Variants in NOP14 observed in about 807,000 individuals in gnomAD.
NOP14 encodes the protein nucleolar protein 14.
Under a neutral mutation model 101.6 loss-of-function variants are expected in NOP14, and 57 were observed. That is an observed-to-expected ratio of 0.56 (90% confidence interval 0.45 to 0.70). The LOEUF is 0.70. Among genes scored for constraint, NOP14 ranks in the 30% least tolerant of loss-of-function variants. The probability of loss-of-function intolerance (pLI) is 0.00; values close to 1 mark genes in which losing one functional copy is unlikely to be tolerated. For missense variants in NOP14, 1,134 were observed against 1,075.5 expected (o/e 1.05, Z -0.76); for synonymous variants, 428 against 424.0 (o/e 1.01, Z -0.12).
chr4:2,949,845 C>T (rs1714893518), intron 8 of NOP14, 89 bp downstream of exon 8: 1 of 1,486,114 alleles, frequency 6.7e-7, no homozygotes, highest in East Asian at 2.3e-5. Flanking sequence ...TCCACAAATG[C>T]AACCCCTGGG....
In NOP14 at chr4:2,948,408, G is replaced by T; in HGVS notation, c.1283C>A (p.Ala428Asp). 1 of 1,605,524 alleles carries T rather than the reference G, an allele frequency of 6.2e-7. No individual in the cohort carries two copies. Among genetic ancestry groups the T allele is most frequent in the Middle Eastern group, 1.7e-4 (1 of 6,034 alleles). Residue 428 changes from alanine to aspartate, a missense_variant and splice_region_variant, in exon 9 of 18, where the codon GCC becomes GAC. Ala to Asp is a moderately radical substitution (Grantham distance 126). Transcript: ENST00000416614. ...TCTCAGTTCCTCATAGGATTCAGGG[G>T]CTATCAAAAACACAAAACATACTGC... The part of the protein sequence containing the change: ...TRDELPYTFA[A>D]PESYEELRSL...
chr4:2,958,372 G>T (rs1167357572), intron 1 of NOP14, among the ~76,000 whole-genome samples: 1 of 152,362 alleles, frequency 6.6e-6, no homozygotes, highest in South Asian at 2.1e-4. Context: ...CCTAAAGAAA[G>T]CTGTGAGAGG....
At chr4:2,941,865 T>C (rs1306754606) in intron 14 of NOP14, 136 bp from the exon 15 acceptor site, 5 of 1,045,978 alleles carry the variant, frequency 4.8e-6, no homozygotes, top group Non-Finnish European at 6.9e-6. Context: ...CGGCCAGGGT[T>C]GGGCCCATGC....
chr4:2,949,827 G>A, intron 8 of NOP14, 107 bp downstream of exon 8: 1 of 1,308,972 alleles, frequency 7.6e-7, no homozygotes, highest in South Asian at 1.3e-5. Flanking sequence ...GGCATCCTTG[G>A]TCCCCATTCC....
chr4:2,954,918 G>A (rs1338696287), intron 3 of NOP14, among the ~76,000 whole-genome samples: 1 of 152,060 alleles, frequency 6.6e-6, no homozygotes, highest in African/African-American at 2.4e-5. Context: ...AGGATCAGTG[G>A]TGCAATCTGT....
chr4:2,963,200 C>T lies in NOP14; in HGVS notation c.120G>A (p.Lys40=), dbSNP rs751655857. The change falls in exon 1 of 18, where the codon AAG becomes AAA. Residue 40 remains lysine (K), a synonymous_variant. Transcript: ENST00000416614. ...NPFEVKVNRQ[K]FQILGRKTRH... ...GCGTCTTCCGGCCCAGGATCTGGAA[C>T]TTCTGCCTGTTAACTTTCACCTCGA... The T allele has an allele frequency of 2.5e-6, 4 of 1,584,668 alleles. No homozygotes were observed. The highest frequency in any genetic ancestry group is 3.4e-6 in the Non-Finnish European group (4 of 1,168,074).
intron 1 of NOP14, among the ~76,000 whole-genome samples, chr4:2,957,944 C>T (rs1715460083): frequency 6.6e-6 from 1 of 152,138 alleles, no homozygotes; most frequent in Non-Finnish European, 1.5e-5. Flanking sequence ...GATAATGGGG[C>T]AATCACTTTC....
At chr4:2,943,813 A>G (rs914855035) in intron 13 of NOP14, among the ~76,000 whole-genome samples, 2 of 152,274 alleles carry the variant, frequency 1.3e-5, no homozygotes, top group African/African-American at 4.8e-5. Flanking sequence ...CCACTTGGGC[A>G]TATGTCACAG....
intron 2 of NOP14, 121 bp from the exon 3 acceptor site, chr4:2,956,932 GC>G (rs1438492950): frequency 1.2e-6 from 1 of 847,168 alleles, no homozygotes; most frequent in Non-Finnish European, 1.8e-6. Context: ...ATCCTAAGCA[GC>G]CTTAAAGAGT....
Position 2,957,642 on chromosome 4 carries a change from C to T in NOP14, c.294G>A (p.Glu98=), listed in dbSNP as rs759610199. The part of the protein sequence containing the change: ...FGEYNSNMSP[E]EKMMKRFALE... ...GAGCAAACCTCTTCATCATCTTCTC[C>T]TCGGGGCTCATGTTGCTGTTGTATT... Residue 98 remains glutamate (E), a synonymous_variant, in exon 2 of 18, where the codon GAG becomes GAA. Coordinates refer to ENST00000416614, the MANE Select transcript of NOP14 (RefSeq NM_001291978.2). 1 of 1,614,180 alleles carries T rather than the reference C, an allele frequency of 6.2e-7. No individual in the cohort carries two copies. The highest frequency in any genetic ancestry group is 8.5e-7 in the Non-Finnish European group (1 of 1,180,028).
chr4:2,961,045 A>C (rs1251922621), intron 1 of NOP14, among the ~76,000 whole-genome samples: 1 of 110,192 alleles, frequency 9.1e-6, no homozygotes, highest in Admixed American at 1.2e-4. Context: ...TCAATATTAT[A>C]TTAATACTAC....
In NOP14 at chr4:2,938,273, A is replaced by T. The variant is rs1713813615; in HGVS notation, c.*558T>A. 1 of 1,258,974 alleles carries T rather than the reference A, an allele frequency of 7.9e-7. No homozygotes were observed. The highest frequency in any genetic ancestry group is 1.0e-6 in the Non-Finnish European group (1 of 961,660). 78.0% of individuals were successfully genotyped at this position (1,258,974 alleles called of 1,614,324 possible). ...TGGCTGGGTGCTGTGGCTCACACCT[A>T]TAATTGGGGGGCCAAGGCAGGTGGA... On this transcript the variant is annotated 3_prime_UTR_variant, in exon 18 of 18. Transcript: ENST00000416614.
Position 2,939,214 on chromosome 4 carries a change from C to T in NOP14, c.2448G>A (p.Arg816=), listed in dbSNP as rs377548723. 185 of 1,613,894 alleles carry T rather than the reference C, an allele frequency of 1.1e-4. 1 individual carries two copies. Among genetic ancestry groups the T allele is most frequent in the Middle Eastern group, 8.2e-4 (5 of 6,084 alleles). Residue 816 remains arginine, a synonymous_variant, in exon 17 of 18, where the codon AGG becomes AGA. Coordinates refer to ENST00000416614, the MANE Select transcript of NOP14 (RefSeq NM_001291978.2). ...EIRKDNQFLA[R]MQLSEIMERD... is the part of the protein sequence containing the mutation. ...GTTCCATGATTTCTGAGAGTTGCAT[C>T]CTCGCCAGGAACTGATTGTCCTTGC...
intron 1 of NOP14, among the ~76,000 whole-genome samples, chr4:2,959,153 CAATA>C (rs1205164701): frequency 6.6e-6 from 1 of 152,176 alleles, no homozygotes; most frequent in East Asian, 1.9e-4. Flanking sequence ...TCCATTAGTT[CAATA>C]AATACTGCCA....
chr4:2,941,631 G>T lies in NOP14; in HGVS notation c.2150C>A (p.Ala717Asp), dbSNP rs201670285. Residue 717 changes from alanine to aspartate, a missense_variant, in exon 15 of 18, where the codon GCC becomes GAC. Ala to Asp is a moderately radical substitution (Grantham distance 126, BLOSUM62 -2). Coordinates refer to ENST00000416614, the MANE Select transcript of NOP14 (RefSeq NM_001291978.2). ...GTCCGCCAGGTGATCCGTGAGGAGG[G>T]CTTGGAGAGGCCCCATGATGGCGTG... Reference protein sequence around the residue: ...SFHAIMGPLQALLTDHLADCS... With the variant: ...SFHAIMGPLQDLLTDHLADCS... 2.0e-5 allele frequency: 33 copies of T among 1,613,258 alleles called. No individual in the cohort carries two copies. The highest frequency in any genetic ancestry group is 2.6e-5 in the Non-Finnish European group (31 of 1,179,940).
chr4:2,961,185 T>A (rs1172548747), intron 1 of NOP14, among the ~76,000 whole-genome samples: 3 of 664 alleles, frequency 4.5e-3, no homozygotes, highest in Non-Finnish European at 2.4e-3. Flanking sequence ...AATAATATAT[T>A]AATATGCTAA....
At chr4:2,948,006 T>C (rs368143908) in intron 9 of NOP14, among the ~76,000 whole-genome samples, 50 of 152,354 alleles carry the variant, frequency 3.3e-4, no homozygotes, top group African/African-American at 1.1e-3. Context: ...ATGTGAACCC[T>C]AGTGTCCTCC....
chr4:2,958,186 G>A (rs1452156062), intron 1 of NOP14, among the ~76,000 whole-genome samples: 1 of 152,144 alleles, frequency 6.6e-6, no homozygotes, highest in Non-Finnish European at 1.5e-5. Context: ...CTAGACACAA[G>A]GCAATAAACA....
chr4:2,954,605 C>T (rs1403918550), intron 3 of NOP14, 42 bp from the exon 4 acceptor site: 38 of 1,604,254 alleles, frequency 2.4e-5, no homozygotes, highest in Non-Finnish European at 3.1e-5. Context: ...AAGCCCAGCC[C>T]TGGCGTGGGA....
Sources: allele counts gnomAD v4.1 joint callset (sites outside exome capture counted in the v4.1 genomes callset), GRCh38; gene constraint gnomAD v4.1.1; transcripts MANE v1.5; gene names NCBI Gene and HGNC (gene_info 2026-07-23, HGNC 2026-07-21).